Variants in CHST11 observed in about 807,000 individuals in gnomAD.
CHST11 encodes the protein C4S-1.
Under a neutral mutation model 30.4 loss-of-function variants are expected in CHST11, and 9 were observed. That is an observed-to-expected ratio of 0.30 (90% CI 0.18 to 0.52). The LOEUF (loss-of-function observed/expected upper bound fraction) is 0.52, where lower values mean the gene tolerates loss of function less well. CHST11 is among the 20% of genes least tolerant of loss of function. The probability of loss-of-function intolerance (pLI) is 0.97; values close to 1 mark genes in which losing one functional copy is unlikely to be tolerated. For synonymous variants in CHST11, 152 were observed against 187.8 expected (o/e 0.81, Z 1.56); for missense variants, 348 against 460.6 (o/e 0.76, Z 2.24).
chr12:104,555,161 A>G (rs1051031352), intron 1 of CHST11, among the ~76,000 whole-genome samples: 1 of 152,210 alleles, frequency 6.6e-6, no homozygotes, highest in Admixed American at 6.5e-5. Context: ...TTCTAGCCAC[A>G]TCAGGGAGGC....
chr12:104,638,036 C>A lies in CHST11; in HGVS notation c.204+36045C>A, dbSNP rs1231924905. Among the ~76,000 whole-genome samples the A allele has an allele frequency of 2.6e-5, 4 of 152,150 alleles. No individual in the cohort carries two copies. The South Asian group carries it at 8.3e-4, about 32-fold the overall frequency. ...CATAGAGCAGGCTCTCTCAGCTGAG[C>A]AACTCAAGGAGGCACAAGCACCAGG... is the stretch of plus-strand genomic sequence containing the variant. On this transcript the variant is annotated intron_variant, in intron 2 of 2. Coordinates refer to ENST00000303694, the MANE Select transcript of CHST11 (RefSeq NM_018413.6).
chr12:104,554,349 ACAGGGGGCAC>A (rs1412246938), intron 1 of CHST11, among the ~76,000 whole-genome samples: 1 of 152,140 alleles, frequency 6.6e-6, no homozygotes, highest in African/African-American at 2.4e-5. Flanking sequence ...GGGCCAAGAG[ACAGGGGGCAC>A]CATGTCCTAG....
intron 2 of CHST11, among the ~76,000 whole-genome samples, chr12:104,692,141 A>G (rs972383906): frequency 2.0e-5 from 3 of 152,214 alleles, no homozygotes; most frequent in Admixed American, 1.3e-4. Context: ...AGGCACAGCA[A>G]CTTCCCCCAA....
chr12:104,578,789 GA>G, intron 1 of CHST11, among the ~76,000 whole-genome samples: 1 of 152,320 alleles, frequency 6.6e-6, no homozygotes, highest in Non-Finnish European at 1.5e-5. Flanking sequence ...AGGAATTCTT[GA>G]GGAGGCTGTG....
intron 1 of CHST11, among the ~76,000 whole-genome samples, chr12:104,479,735 A>G (rs1432263178): frequency 6.6e-6 from 1 of 152,204 alleles, no homozygotes; most frequent in African/African-American, 2.4e-5. Context: ...TGGACTGAAA[A>G]TGGCCGCATG....
At chr12:104,739,486 T>C (rs2040329197) in intron 2 of CHST11, among the ~76,000 whole-genome samples, 1 of 152,038 alleles carries the variant, frequency 6.6e-6, no homozygotes, top group Non-Finnish European at 1.5e-5. Flanking sequence ...GAATGCTGAG[T>C]CTCAGATTAA....
Position 104,729,565 on chromosome 12 carries a change from C to T in CHST11, c.205-27384C>T, listed in dbSNP as rs1253895173. Among the ~76,000 whole-genome samples, 1 of 152,160 alleles carries T rather than the reference C, an allele frequency of 6.6e-6. No individual in the cohort carries two copies. Among genetic ancestry groups the T allele is most frequent in the East Asian group, 1.9e-4 (1 of 5,174 alleles). On this transcript the variant is annotated intron_variant, in intron 2 of 2. Coordinates refer to ENST00000303694, the MANE Select transcript of CHST11 (RefSeq NM_018413.6). This position sits in a 1 kb window ranked among gnomAD's most constrained non-coding sequence, Gnocchi z 4.0. ...TTGAGATCCAGGCATTTCAGACAGA[C>T]AGTATCAGGGCAGGAACATGGAAGG...
At chr12:104,541,510 G>A (rs2038287227) in intron 1 of CHST11, among the ~76,000 whole-genome samples, 1 of 152,068 alleles carries the variant, frequency 6.6e-6, no homozygotes, top group Non-Finnish European at 1.5e-5. Flanking sequence ...GAGTATTTAG[G>A]AAGCAAGTAC....
Position 104,611,914 on chromosome 12 carries a change from G to C in CHST11, c.204+9923G>C, listed in dbSNP as rs577221258. Among the ~76,000 whole-genome samples the C allele has an allele frequency of 9.8e-5, 15 of 152,346 alleles. No individual in the cohort carries two copies. In the South Asian group the frequency reaches 3.1e-3, roughly 32 times the overall value. On this transcript the variant is annotated intron_variant, in intron 2 of 2. Coordinates refer to ENST00000303694, the MANE Select transcript of CHST11 (RefSeq NM_018413.6). ...TTGGAGAGAATAGGAGCAGGGGATT[G>C]GTTGCCTGAAGGAACTGGGGAAAGC... is the stretch of plus-strand genomic sequence containing the variant.
intron 2 of CHST11, among the ~76,000 whole-genome samples, chr12:104,654,435 G>A (rs145062002): frequency 1.1e-4 from 16 of 152,286 alleles, no homozygotes; most frequent in Admixed American, 2.0e-4. Flanking sequence ...GGACACAGTA[G>A]GAAGTGACCA....
intron 1 of CHST11, among the ~76,000 whole-genome samples, chr12:104,557,319 G>T (rs1449415260): frequency 2.0e-5 from 3 of 152,218 alleles, no homozygotes; most frequent in African/African-American, 2.4e-5. Context: ...CTCATCACCA[G>T]CTGGGAACCT....
chr12:104,521,865 T>A (rs1291344588), intron 1 of CHST11, among the ~76,000 whole-genome samples: 1 of 152,142 alleles, frequency 6.6e-6, no homozygotes, highest in Non-Finnish European at 1.5e-5. Context: ...TCTGCCTTTA[T>A]CCCCGCTCAT....
intron 1 of CHST11, among the ~76,000 whole-genome samples, chr12:104,533,709 G>T (rs2038207820): frequency 6.6e-6 from 1 of 152,194 alleles, no homozygotes; most frequent in South Asian, 2.1e-4. Flanking sequence ...GTCTTAGATG[G>T]TTCATGGATC....
chr12:104,519,141 G>A (rs1445551905), intron 1 of CHST11, among the ~76,000 whole-genome samples: 1 of 149,630 alleles, frequency 6.7e-6, no homozygotes, highest in Admixed American at 6.6e-5. Context: ...CTAAACAGGG[G>A]TATGGCACAG....
chr12:104,605,956 T>C (rs530694651), intron 2 of CHST11, among the ~76,000 whole-genome samples: 72 of 152,274 alleles, frequency 4.7e-4, no homozygotes, highest in South Asian at 8.3e-4. Context: ...GGTTCAGCCC[T>C]GCCCTGCTTG....
chr12:104,497,393 A>G (rs2037808941), intron 1 of CHST11, among the ~76,000 whole-genome samples: 4 of 152,198 alleles, frequency 2.6e-5, no homozygotes, highest in Non-Finnish European at 5.9e-5. Flanking sequence ...TGCAGGCCGA[A>G]GAGAAAGGCC....
At chr12:104,651,042 A>G (rs1052702343) in intron 2 of CHST11, among the ~76,000 whole-genome samples, 4 of 152,216 alleles carry the variant, frequency 2.6e-5, no homozygotes, top group African/African-American at 9.7e-5. Flanking sequence ...TCTAATTTTT[A>G]GCCCCATTTT....
At position 104,760,682 on chromosome 12, in the gene CHST11, G is replaced by A. The variant is rs990271615; in HGVS notation, c.*2879G>A. Reference sequence around the variant, plus strand: ...CTTTCATCTGGCTTCTCTCTCTTAAGTGAGAAAGATTGTCCTTCAGGGGAC... The same window carrying A: ...CTTTCATCTGGCTTCTCTCTCTTAAATGAGAAAGATTGTCCTTCAGGGGAC... On this transcript the variant is annotated 3_prime_UTR_variant, in exon 3 of 3. Coordinates refer to ENST00000303694, the MANE Select transcript of CHST11 (RefSeq NM_018413.6). The A allele has an allele frequency of 6.6e-6, 1 of 152,182 alleles. No homozygotes were observed. The highest frequency in any genetic ancestry group is 1.5e-5 in the Non-Finnish European group (1 of 68,034). 9.4% of individuals were successfully genotyped at this position (152,182 alleles called of 1,614,324 possible). A position where few individuals can be genotyped will look rare whatever the true frequency, so the allele number is the denominator to read the frequency against.
chr12:104,718,455 T>G (rs2040148448), intron 2 of CHST11, among the ~76,000 whole-genome samples: 1 of 152,206 alleles, frequency 6.6e-6, no homozygotes, highest in African/African-American at 2.4e-5. Context: ...CTGACAAGGA[T>G]TGTGTGGCCA....
Sources: gnomAD v4.1 joint callset for allele counts (sites outside exome capture counted in the v4.1 genomes callset) on GRCh38, gnomAD v4.1.1 for gene constraint, Gnocchi (gnomAD v3.1) non-coding constraint, MANE v1.5 for transcripts, NCBI Gene and HGNC (gene_info 2026-07-23, HGNC 2026-07-21) for gene names.